The following IMPA1 variants were observed in gnomAD, a reference collection of about 807,000 sequenced individuals.
The protein encoded by IMPA1 is D-galactose 1-phosphate phosphatase.
A neutral mutation model predicts 34.9 loss-of-function variants in IMPA1; 21 were observed. The ratio of observed to expected loss-of-function variants is 0.60; its 90% confidence interval spans 0.43 to 0.87. The LOEUF (loss-of-function observed/expected upper bound fraction) is 0.87. Among genes scored for constraint, IMPA1 ranks in the 40% least tolerant of loss-of-function variants. IMPA1 has a pLI of 0.00. For synonymous variants in IMPA1, 95 were observed against 104.4 expected, an observed-to-expected ratio of 0.91 and a Z score of 0.55; for missense variants, 299 against 336.4, an observed-to-expected ratio of 0.89 and a Z score of 0.87.
chr8:81,657,716 T>C lies in IMPA1; in HGVS notation c.*1635A>G, dbSNP rs925410454. ...GGGAGGCCAAGGGGCCTGGAAAACA[T>C]AGGAAGATCCCATCTTTACAAAAAT... is the stretch of plus-strand genomic sequence containing the variant. On this transcript the variant is annotated 3_prime_UTR_variant, in exon 9 of 9. Coordinates refer to ENST00000256108, the MANE Select transcript of IMPA1 (RefSeq NM_005536.4). Among the ~76,000 whole-genome samples, 2 of 151,918 alleles carry C rather than the reference T, an allele frequency of 1.3e-5. No homozygotes were observed. The highest frequency in any genetic ancestry group is 4.8e-5 in the African/African-American group (2 of 41,374).
intron 7 of IMPA1, among the ~76,000 whole-genome samples, chr8:81,662,986 T>G (rs1486534666): frequency 6.6e-6 from 1 of 152,198 alleles, no homozygotes; most frequent in Non-Finnish European, 1.5e-5. Context: ...ATAACTCTCT[T>G]TAGTTTCATT....
At chr8:81,662,275 CT>C (rs1806702380) in intron 7 of IMPA1, among the ~76,000 whole-genome samples, 3 of 152,290 alleles carry the variant, frequency 2.0e-5, no homozygotes, top group Middle Eastern at 3.4e-3. Context: ...TATTTGATAT[CT>C]CATATCATAG....
chr8:81,681,630 T>C (rs1271112042), intron 1 of IMPA1, 46 bp from the exon 2 acceptor site: 1 of 973,432 alleles, frequency 1.0e-6, no homozygotes, highest in African/African-American at 1.8e-5. Flanking sequence ...AATTATAGAA[T>C]AGTTAGTTCA....
intron 7 of IMPA1, among the ~76,000 whole-genome samples, chr8:81,665,267 C>A (rs1314680647): frequency 1.6e-4 from 25 of 151,916 alleles, no homozygotes; most frequent in Admixed American, 1.6e-3. Flanking sequence ...AATGTTACAT[C>A]AGCGATATAG....
chr8:81,667,099 G>A (rs2130262935), intron 7 of IMPA1, among the ~76,000 whole-genome samples: 1 of 152,124 alleles, frequency 6.6e-6, no homozygotes, highest in East Asian at 1.9e-4. Flanking sequence ...ATACATCAGA[G>A]ACTCTCAGTA....
intron 7 of IMPA1, among the ~76,000 whole-genome samples, chr8:81,670,094 C>G (rs1400658371): frequency 6.6e-6 from 1 of 152,158 alleles, no homozygotes; most frequent in Non-Finnish European, 1.5e-5. Flanking sequence ...AAATAAATTC[C>G]TTTTCTTTAT....
intron 6 of IMPA1, 101 bp downstream of exon 6, chr8:81,673,740 G>C (rs1203835701): frequency 1.2e-5 from 8 of 667,270 alleles, no homozygotes; most frequent in South Asian, 3.7e-5. Context: ...CACAATTTAT[G>C]AATCAGTTAA....
In IMPA1 at chr8:81,673,921, A is replaced by G. The variant is rs1250281887; in HGVS notation, c.377T>C (p.Val126Ala). 10 of 1,610,940 alleles carry G rather than the reference A, an allele frequency of 6.2e-6. No homozygotes were observed. The highest frequency in any genetic ancestry group is 8.5e-6 in the Non-Finnish European group (10 of 1,177,504). The change falls in exon 6 of 9, where the codon GTG (valine) becomes GCG (alanine). Residue 126 changes from valine (V) to alanine (A), a missense_variant. Coordinates refer to ENST00000256108, the MANE Select transcript of IMPA1 (RefSeq NM_005536.4). Reference protein sequence around the residue: ...KIEFGVVYSCVEGKMYTARKG... With the variant: ...KIEFGVVYSCAEGKMYTARKG... ...TCTGGCAGTGTACATCTTGCCTTCC[A>G]CACAACTGTACACAACTCCAAATTC...
chr8:81,679,094 A>G, intron 4 of IMPA1, 32 bp downstream of exon 4: 2 of 1,377,856 alleles, frequency 1.5e-6, no homozygotes, highest in East Asian at 4.6e-5. Flanking sequence ...TAATATGCAA[A>G]GAGTAATTAT....
chr8:81,675,060 T>C (rs1807093258), intron 5 of IMPA1, among the ~76,000 whole-genome samples: 1 of 152,308 alleles, frequency 6.6e-6, no homozygotes, highest in Non-Finnish European at 1.5e-5. Flanking sequence ...CCCAACTACC[T>C]TGAAACACAA....
Sources: allele counts gnomAD v4.1 joint callset (sites outside exome capture counted in the v4.1 genomes callset), GRCh38; gene constraint gnomAD v4.1.1; transcripts MANE v1.5; gene names NCBI Gene and HGNC (gene_info 2026-07-23, HGNC 2026-07-21).